The following CDH13 variants were observed in gnomAD, a reference collection of about 807,000 sequenced individuals.
CDH13 encodes cadherin-13.
In CDH13, 24 loss-of-function variants were observed where a neutral mutation model predicts 63.8. That is an observed-to-expected ratio of 0.38 (90% CI 0.27 to 0.53). CDH13 has a LOEUF of 0.53. Among genes scored for constraint, CDH13 ranks in the 20% least tolerant of loss-of-function variants. CDH13 has a pLI of 0.85. For missense variants in CDH13, 1,049 were observed against 903.1 expected, an observed-to-expected ratio of 1.16 and a Z score of -2.07; for synonymous variants, 503 against 355.3, an observed-to-expected ratio of 1.42 and a Z score of -4.67.
At chr16:82,839,066 A>G (rs1040670549) in intron 1 of CDH13, among the ~76,000 whole-genome samples, 1 of 152,210 alleles carries the variant, frequency 6.6e-6, no homozygotes, top group African/African-American at 2.4e-5. Context: ...ATTTACAAAA[A>G]CTGACAATAG....
intron 2 of CDH13, among the ~76,000 whole-genome samples, chr16:82,917,649 C>T (rs143436787): frequency 1.5e-4 from 23 of 152,312 alleles, no homozygotes; most frequent in African/African-American, 3.6e-4. Flanking sequence ...CCATGGCTCA[C>T]GCCTGTAATC....
At chr16:83,712,830 G>A (rs1296563878) in intron 10 of CDH13, among the ~76,000 whole-genome samples, 1 of 152,180 alleles carries the variant, frequency 6.6e-6, no homozygotes, top group Admixed American at 6.5e-5. Context: ...AAAGCATAGA[G>A]GAGTATGTAA....
At chr16:83,323,060 T>G (rs2151896038) in intron 5 of CDH13, among the ~76,000 whole-genome samples, 1 of 152,126 alleles carries the variant, frequency 6.6e-6, no homozygotes, top group Non-Finnish European at 1.5e-5. Flanking sequence ...ATCGTGCAAA[T>G]GAGCGAATGG....
At chr16:82,757,957 T>G (rs1465836924) in intron 1 of CDH13, among the ~76,000 whole-genome samples, 2 of 152,154 alleles carry the variant, frequency 1.3e-5, no homozygotes, top group Non-Finnish European at 2.9e-5. Context: ...CCGCCACAGC[T>G]TCTTAAAATG....
chr16:83,321,663 G>A (rs2090228715), intron 5 of CDH13, among the ~76,000 whole-genome samples: 1 of 151,548 alleles, frequency 6.6e-6, no homozygotes, highest in Admixed American at 6.6e-5. Flanking sequence ...TGAGTAGCTG[G>A]GACTACAGGC....
In CDH13 at chr16:82,827,534, C is replaced by T. The variant is rs140115478; in HGVS notation, c.46-30828C>T. The stretch of plus-strand genomic sequence containing the variant: ...TGAGGGTGCATAGAAGAGTAGGTCC[C>T]GCCCTTTTTAGGAGTATACTGTGGA... On this transcript the variant is annotated intron_variant, in intron 1 of 13. Transcript: ENST00000567109. 1.8e-3 allele frequency among the ~76,000 whole-genome samples: 275 copies of T among 152,160 alleles called. 1 individual carries two copies. Among genetic ancestry groups the T allele is most frequent in the Admixed American group, 3.1e-3 (48 of 15,284 alleles).
intron 1 of CDH13, among the ~76,000 whole-genome samples, chr16:82,744,496 C>G (rs969173821): frequency 6.6e-6 from 1 of 152,116 alleles, no homozygotes; most frequent in Non-Finnish European, 1.5e-5. Flanking sequence ...GTTAATGTAT[C>G]TATACGTCTT....
intron 13 of CDH13, among the ~76,000 whole-genome samples, chr16:83,792,288 C>G (rs1299622992): frequency 6.6e-6 from 1 of 152,222 alleles, no homozygotes; most frequent in Non-Finnish European, 1.5e-5. Flanking sequence ...CTTGCGCATG[C>G]AAGCTAAGGG....
intron 4 of CDH13, among the ~76,000 whole-genome samples, chr16:83,200,137 A>G (rs1037578523): frequency 6.6e-6 from 1 of 152,126 alleles, no homozygotes; most frequent in Non-Finnish European, 1.5e-5. Context: ...TCAGAGTCAG[A>G]AGGGACCTCA....
At chr16:83,407,530 C>T (rs994527352) in intron 6 of CDH13, among the ~76,000 whole-genome samples, 3 of 152,144 alleles carry the variant, frequency 2.0e-5, no homozygotes, top group South Asian at 2.1e-4. Flanking sequence ...TATTTCTAAT[C>T]ACTGGTTCTA....
rs543447401 is a variant in CDH13 at position 82,684,477 on chromosome 16, A to C, written c.45+57340A>C. On this transcript the variant is annotated intron_variant, in intron 1 of 13. Transcript: ENST00000567109. ...CTCATCAGGAAAGTATGCTGTAGTC[A>C]ATTAGTGATGTCTGCCATGTGCACG... 1.8e-3 allele frequency among the ~76,000 whole-genome samples: 270 copies of C among 152,270 alleles called. 1 individual carries two copies. The highest frequency in any genetic ancestry group is 6.3e-3 in the African/African-American group (263 of 41,550).
intron 4 of CDH13, among the ~76,000 whole-genome samples, chr16:83,198,884 T>C (rs182883146): frequency 6.6e-6 from 1 of 152,336 alleles, no homozygotes; most frequent in East Asian, 1.9e-4. Flanking sequence ...TGGGGTTTTT[T>C]TTAAAGACAG....
At position 83,240,360 on chromosome 16, in the gene CDH13, C is replaced by A. The variant is rs150749177; in HGVS notation, c.636+22863C>A. On this transcript the variant is annotated intron_variant, in intron 5 of 13. Coordinates refer to ENST00000567109, the MANE Select transcript of CDH13 (RefSeq NM_001257.5). ...AATGGGAAGCACTGAAGGTTTTGGACAGAGGCAGGATGTGTTCAGATATCT... is the reference window on the plus strand; with the variant it reads ...AATGGGAAGCACTGAAGGTTTTGGAAAGAGGCAGGATGTGTTCAGATATCT... Among the ~76,000 whole-genome samples, 403 of 152,144 alleles carry A rather than the reference C, an allele frequency of 2.6e-3. 3 individuals are homozygous for A. The highest frequency in any genetic ancestry group is 0.019 in the Admixed American group (283 of 15,268).
At chr16:83,370,537 G>A (rs1323065029) in intron 6 of CDH13, among the ~76,000 whole-genome samples, 3 of 152,064 alleles carry the variant, frequency 2.0e-5, no homozygotes, top group Admixed American at 6.5e-5. Context: ...GTGTCACAGG[G>A]GTTTGGTGTA....
intron 6 of CDH13, chr16:83,382,945 CG>C (rs1335509076): frequency 6.6e-6 from 1 of 152,120 alleles, no homozygotes; most frequent in Non-Finnish European, 1.5e-5. Context: ...TGCCAGACAC[CG>C]TGCAGTGTGC....
intron 7 of CDH13, among the ~76,000 whole-genome samples, chr16:83,493,167 A>C (rs540149529): frequency 2.6e-5 from 4 of 152,360 alleles, no homozygotes; most frequent in Admixed American, 2.6e-4. Flanking sequence ...CTAGCGTGAT[A>C]CTTATCTATA....
At chr16:83,619,638 C>T (rs771278477) in intron 8 of CDH13, among the ~76,000 whole-genome samples, 56 of 152,046 alleles carry the variant, frequency 3.7e-4, no homozygotes, top group Non-Finnish European at 6.2e-4. Flanking sequence ...AGCATCCCCC[C>T]AGTTCCTGCC....
chr16:83,567,688 T>C (rs1007475419), intron 7 of CDH13, among the ~76,000 whole-genome samples: 1 of 152,148 alleles, frequency 6.6e-6, no homozygotes, highest in African/African-American at 2.4e-5. Context: ...CTCTGCCTCC[T>C]GGGTTCACGC....
At chr16:82,662,336 G>C (rs1387498165) in intron 1 of CDH13, among the ~76,000 whole-genome samples, 2 of 150,798 alleles carry the variant, frequency 1.3e-5, no homozygotes, top group African/African-American at 4.9e-5. Context: ...GGCGGGGGTA[G>C]ATGTTTACTT....
Sources: gnomAD v4.1 joint callset for allele counts (sites outside exome capture counted in the v4.1 genomes callset) on GRCh38, gnomAD v4.1.1 for gene constraint, MANE v1.5 for transcripts, NCBI Gene and HGNC (gene_info 2026-07-23, HGNC 2026-07-21) for gene names.